The following MALRD1 variants were observed in gnomAD, a reference collection of about 807,000 sequenced individuals.
MALRD1 encodes MAM and LDL-receptor class A domain-containing protein 1.
In MALRD1, 247 loss-of-function variants were observed where a neutral mutation model predicts 242.1. The observed-to-expected ratio is 1.02, with a 90% CI of 0.92 to 1.13. The LOEUF is 1.13. Ranked by LOEUF, MALRD1 falls within the 50% of genes most tolerant of loss-of-function variation. The probability of loss-of-function intolerance (pLI) is 0.00; values close to 1 mark genes in which losing one functional copy is unlikely to be tolerated. For missense variants in MALRD1, 2,989 were observed against 2,533.1 expected, an observed-to-expected ratio of 1.18 and a Z score of -3.86; for synonymous variants, 995 against 866.6, an observed-to-expected ratio of 1.15 and a Z score of -2.60.
At chr10:19,450,554 T>C (rs560707196) in intron 29 of MALRD1, 64 bp downstream of exon 29, 52 of 1,340,994 alleles carry the variant, frequency 3.9e-5, no homozygotes, top group Middle Eastern at 4.5e-4. Flanking sequence ...TTATTTTTGT[T>C]ACACAAGTTT....
chr10:19,334,877 G>T (rs922754115), intron 24 of MALRD1, among the ~76,000 whole-genome samples: 1 of 151,980 alleles, frequency 6.6e-6, no homozygotes, highest in Non-Finnish European at 1.5e-5. Flanking sequence ...TGTTTCCAGT[G>T]TATCTCTTTC....
intron 19 of MALRD1, among the ~76,000 whole-genome samples, chr10:19,265,681 G>A (rs1241955666): frequency 2.0e-5 from 3 of 152,108 alleles, no homozygotes; most frequent in African/African-American, 7.2e-5. Context: ...CTCTTGAGAA[G>A]GTGTATTCTG....
chr10:19,185,094 G>A (rs892843251), intron 14 of MALRD1, among the ~76,000 whole-genome samples: 4 of 152,026 alleles, frequency 2.6e-5, no homozygotes, highest in Non-Finnish European at 4.4e-5. Context: ...GCTTTCTTTC[G>A]TTCCAAGAGA....
At chr10:19,367,575 T>G (rs1445943451) in intron 26 of MALRD1, among the ~76,000 whole-genome samples, 2 of 152,162 alleles carry the variant, frequency 1.3e-5, no homozygotes, top group East Asian at 1.9e-4. Flanking sequence ...GCAGTAGACA[T>G]AAGAGTGCAT....
chr10:19,624,848 G>A (rs1279307465), intron 36 of MALRD1, among the ~76,000 whole-genome samples: 1 of 145,096 alleles, frequency 6.9e-6, no homozygotes, highest in East Asian at 2.1e-4. Context: ...ACTCCAGCCT[G>A]GGTGACAGAG....
chr10:19,258,158 C>G (rs1839601084), intron 19 of MALRD1, among the ~76,000 whole-genome samples: 1 of 152,078 alleles, frequency 6.6e-6, no homozygotes, highest in Non-Finnish European at 1.5e-5. Flanking sequence ...ATATTTCTAA[C>G]AATTGTTGTC....
chr10:19,732,021 A>G (rs1344875451), intron 39 of MALRD1, among the ~76,000 whole-genome samples: 2 of 152,176 alleles, frequency 1.3e-5, no homozygotes, highest in Admixed American at 1.3e-4. Flanking sequence ...TATGATACAC[A>G]CTTTTAGTAT....
chr10:19,640,293 T>C (rs1243931547), intron 36 of MALRD1, among the ~76,000 whole-genome samples: 1 of 152,050 alleles, frequency 6.6e-6, no homozygotes, highest in African/African-American at 2.4e-5. Flanking sequence ...TTCACCATTT[T>C]GGCCAGGCTG....
intron 33 of MALRD1, among the ~76,000 whole-genome samples, chr10:19,587,217 G>A (rs900573677): frequency 7.2e-5 from 11 of 152,210 alleles, no homozygotes; most frequent in South Asian, 4.1e-4. Flanking sequence ...GCTGTAGACC[G>A]GAGCTGTTCC....
intron 31 of MALRD1, among the ~76,000 whole-genome samples, chr10:19,510,134 T>C (rs547337743): frequency 2.0e-4 from 31 of 152,304 alleles, no homozygotes; most frequent in Middle Eastern, 3.4e-3. Context: ...GATGTGCACG[T>C]ACGTAAACAT....
At chr10:19,287,635 G>A (rs1446871796) in intron 21 of MALRD1, among the ~76,000 whole-genome samples, 1 of 152,006 alleles carries the variant, frequency 6.6e-6, no homozygotes, top group Admixed American at 6.6e-5. Context: ...ACCAAGTAGG[G>A]AAAATGATTG....
intron 21 of MALRD1, 138 bp from the exon 22 acceptor site, chr10:19,323,811 A>G (rs1198210026): frequency 5.9e-6 from 4 of 682,714 alleles, no homozygotes; most frequent in Non-Finnish European, 9.7e-6. Context: ...GTGTTTCATC[A>G]TGGTAGCCAG....
chr10:19,200,983 T>A (rs1228775658), intron 14 of MALRD1, among the ~76,000 whole-genome samples: 1 of 152,108 alleles, frequency 6.6e-6, no homozygotes, highest in East Asian at 1.9e-4. Context: ...AAGCTTGCTA[T>A]ACACTAAACC....
At chr10:19,390,906 G>A (rs1846310626) in intron 28 of MALRD1, among the ~76,000 whole-genome samples, 1 of 152,024 alleles carries the variant, frequency 6.6e-6, no homozygotes, top group African/African-American at 2.4e-5. Flanking sequence ...ATTTAAAGAT[G>A]GAAACTTACA....
intron 5 of MALRD1, among the ~76,000 whole-genome samples, chr10:19,113,015 C>A (rs1836734715): frequency 6.6e-6 from 1 of 151,998 alleles, no homozygotes; most frequent in Admixed American, 6.6e-5. Context: ...TACCTTATTT[C>A]TTAAATTTTC....
chr10:19,343,681 C>CA (rs1843983234), intron 24 of MALRD1, among the ~76,000 whole-genome samples: 1 of 152,100 alleles, frequency 6.6e-6, no homozygotes, highest in African/African-American at 2.4e-5. Flanking sequence ...GTGTATAAAT[C>CA]ACGTTTTCCT....
intron 35 of MALRD1, among the ~76,000 whole-genome samples, chr10:19,609,710 C>A (rs141296051): frequency 6.6e-6 from 1 of 152,026 alleles, no homozygotes; most frequent in Non-Finnish European, 1.5e-5. Context: ...ATATTATTTT[C>A]AAGTTTTTGT....
intron 19 of MALRD1, among the ~76,000 whole-genome samples, chr10:19,258,071 C>G (rs967600366): frequency 3.9e-5 from 6 of 152,002 alleles, no homozygotes; most frequent in Admixed American, 2.6e-4. Context: ...GTTACAATAA[C>G]CAAACCATTT....
chr10:19,280,090 T>A lies in MALRD1; in HGVS notation c.3123T>A (p.Val1041=), dbSNP rs1483895744. 6.5e-7 allele frequency: 1 copy of A among 1,534,824 alleles called. No individual in the cohort carries two copies. The highest frequency in any genetic ancestry group is 2.1e-5 in the Admixed American group (1 of 47,104). ...ADLPTPPETS[V]PVTLPPHNCT... ...TCCCAACTCCACCAGAAACGTCAGTTCCTGTAACATTACCTCCACACAACT... is the reference window on the plus strand; with the variant it reads ...TCCCAACTCCACCAGAAACGTCAGTACCTGTAACATTACCTCCACACAACT... The change falls in exon 20 of 40, where the codon GTT becomes GTA. Residue 1041 remains valine, a synonymous_variant. Transcript: ENST00000454679.
Sources: allele counts gnomAD v4.1 joint callset (sites outside exome capture counted in the v4.1 genomes callset), GRCh38; gene constraint gnomAD v4.1.1; transcripts MANE v1.5; gene names NCBI Gene and HGNC (gene_info 2026-07-23, HGNC 2026-07-21).